FGF7: variants seen among roughly 807,000 people sequenced by gnomAD.
FGF7 encodes FGF-7.
In FGF7, 6 loss-of-function variants were observed where a neutral mutation model predicts 20.5. The ratio of observed to expected loss-of-function variants is 0.29; its 90% CI spans 0.16 to 0.58. The LOEUF is 0.58. Among genes scored for constraint, FGF7 ranks in the 20% least tolerant of loss-of-function variants. FGF7 has a pLI of 0.90. For synonymous variants in FGF7, 64 were observed against 74.7 expected (o/e 0.86, Z 0.74); for missense variants, 144 against 228.8 (o/e 0.63, Z 2.39).
intron 2 of FGF7, among the ~76,000 whole-genome samples, chr15:49,463,708 T>C (rs930835803): frequency 6.6e-6 from 1 of 152,230 alleles, no homozygotes; most frequent in African/African-American, 2.4e-5. Flanking sequence ...TATGCTTCTG[T>C]GCCTTTCTCA....
intron 2 of FGF7, chr15:49,425,497 A>G (rs1394737508): frequency 6.6e-6 from 1 of 152,034 alleles, no homozygotes; most frequent in Non-Finnish European, 1.5e-5. Context: ...TTTTGTTTAC[A>G]TTACTAGCAC....
At chr15:49,447,926 G>A (rs951552427) in intron 2 of FGF7, among the ~76,000 whole-genome samples, 3 of 151,618 alleles carry the variant, frequency 2.0e-5, no homozygotes, top group Non-Finnish European at 4.4e-5. Flanking sequence ...CCTCAGGCTC[G>A]TGTCCTTTAA....
At chr15:49,424,612 C>T (rs377247133) in intron 2 of FGF7, 29 bp downstream of exon 2, 6 of 1,491,102 alleles carry the variant, frequency 4.0e-6, no homozygotes, top group African/African-American at 2.8e-5. Context: ...TGCTCATGAA[C>T]CTTAGCAATC....
rs1384043938 is a variant in FGF7 at position 49,424,426 on chromosome 15, T to C, written c.129T>C (p.Asn43=). ...NDMTPEQMAT[N]VNCSSPERHT... ...TGACTCCAGAGCAAATGGCTACAAA[T>C]GTGAACTGTTCCAGCCCTGAGCGAC... The change falls in exon 2 of 4, where the codon AAT becomes AAC. Residue 43 remains asparagine (N), a synonymous_variant. Coordinates refer to ENST00000267843, the MANE Select transcript of FGF7 (RefSeq NM_002009.4). The C allele has an allele frequency of 6.2e-7, 1 of 1,613,648 alleles. No homozygotes were observed. Among genetic ancestry groups the C allele is most frequent in the Non-Finnish European group, 8.5e-7 (1 of 1,179,726 alleles).
At chr15:49,483,888 T>C (rs899804754) in intron 3 of FGF7, among the ~76,000 whole-genome samples, 7 of 152,020 alleles carry the variant, frequency 4.6e-5, no homozygotes, top group African/African-American at 1.7e-4. Flanking sequence ...GAAGACAATG[T>C]AGAAGTAAAT....
At chr15:49,444,525 C>A (rs1264308511) in intron 2 of FGF7, among the ~76,000 whole-genome samples, 1 of 151,584 alleles carries the variant, frequency 6.6e-6, no homozygotes, top group Non-Finnish European at 1.5e-5. Context: ...GATTGTAGTA[C>A]GTGGGTCTAA....
intron 2 of FGF7, among the ~76,000 whole-genome samples, chr15:49,439,927 C>T (rs940133430): frequency 6.6e-6 from 1 of 151,644 alleles, no homozygotes; most frequent in African/African-American, 2.4e-5. Context: ...TGCAGATAGC[C>T]CTCAGGGAAA....
chr15:49,475,537 G>A (rs1483746504), intron 2 of FGF7, among the ~76,000 whole-genome samples: 1 of 151,918 alleles, frequency 6.6e-6, no homozygotes, highest in Non-Finnish European at 1.5e-5. Context: ...AGTAAAATTT[G>A]AAAATAAAAT....
intron 2 of FGF7, among the ~76,000 whole-genome samples, chr15:49,459,543 T>C (rs201247126): frequency 6.7e-6 from 1 of 149,560 alleles, no homozygotes; most frequent in African/African-American, 2.4e-5. Flanking sequence ...TCCCATCCTC[T>C]ATCTTTATCT....
intron 2 of FGF7, among the ~76,000 whole-genome samples, chr15:49,457,015 G>A (rs1170798608): frequency 6.6e-6 from 1 of 152,080 alleles, no homozygotes; most frequent in African/African-American, 2.4e-5. Context: ...GTGAGTGGAT[G>A]AATCTAGATT....
intron 2 of FGF7, among the ~76,000 whole-genome samples, chr15:49,444,379 A>T (rs1266409272): frequency 6.6e-6 from 1 of 151,778 alleles, no homozygotes; most frequent in Non-Finnish European, 1.5e-5. Flanking sequence ...TTAAACAGTA[A>T]CAGATTATGT....
rs980499556 is a variant in FGF7 at position 49,485,558 on chromosome 15, T to C, written c.*1054T>C. 1.2e-4 allele frequency: 19 copies of C among 152,416 alleles called. No homozygotes were observed. Among genetic ancestry groups the C allele is most frequent in the African/African-American group, 4.3e-4 (18 of 41,418 alleles). 9.4% of individuals were successfully genotyped at this position (152,416 alleles called of 1,614,324 possible). On this transcript the variant is annotated 3_prime_UTR_variant, in exon 4 of 4. Transcript: ENST00000267843. ...CAAAACTGTCTGGCTCAACGGCAAG[T>C]TTCCCTCCCTTTTCTGACTGACACT...
intron 2 of FGF7, among the ~76,000 whole-genome samples, chr15:49,464,768 C>A (rs1479246518): frequency 2.6e-5 from 4 of 152,144 alleles, no homozygotes; most frequent in African/African-American, 9.7e-5. Flanking sequence ...CACATAGTAT[C>A]TCCGTGTAAA....
intron 2 of FGF7, among the ~76,000 whole-genome samples, chr15:49,438,703 G>A (rs2051332686): frequency 2.0e-5 from 3 of 151,588 alleles, no homozygotes; most frequent in African/African-American, 7.3e-5. Context: ...ATGACCTTGG[G>A]CAAATAGTTG....
At chr15:49,459,465 G>A (rs538850507) in intron 2 of FGF7, among the ~76,000 whole-genome samples, 17 of 151,518 alleles carry the variant, frequency 1.1e-4, no homozygotes, top group Admixed American at 9.8e-4. Context: ...TTTTTTTTGA[G>A]ATATAAGAGT....
In FGF7 at chr15:49,467,781, A is replaced by T. The variant is rs551721036; in HGVS notation, c.287-15370A>T. 1.6e-4 allele frequency among the ~76,000 whole-genome samples: 24 copies of T among 152,228 alleles called. No homozygotes were observed. In the South Asian group the frequency reaches 5.0e-3, roughly 32 times the overall value. ...AACAAAGAGTATTTCCTCCTGTCTGATTCAGGGAATATATCTTCTCTGGCC... is the reference window on the plus strand; with the variant it reads ...AACAAAGAGTATTTCCTCCTGTCTGTTTCAGGGAATATATCTTCTCTGGCC... On this transcript the variant is annotated intron_variant, in intron 2 of 3. Transcript: ENST00000267843.
intron 2 of FGF7, among the ~76,000 whole-genome samples, chr15:49,466,230 C>A (rs746312985): frequency 6.6e-6 from 1 of 152,136 alleles, no homozygotes; most frequent in South Asian, 2.1e-4. Flanking sequence ...TTCTGAGGAA[C>A]GGGAACTGGA....
intron 2 of FGF7, among the ~76,000 whole-genome samples, chr15:49,454,824 T>C (rs1180259541): frequency 6.6e-6 from 1 of 152,102 alleles, no homozygotes; most frequent in Non-Finnish European, 1.5e-5. Context: ...TTAGCCAGGA[T>C]GGTCTCGATC....
intron 2 of FGF7, among the ~76,000 whole-genome samples, chr15:49,442,364 T>C (rs1024696058): frequency 1.3e-5 from 2 of 151,646 alleles, no homozygotes; most frequent in African/African-American, 2.4e-5. Flanking sequence ...CCCTTGGCCA[T>C]TTCAGTCCAC....
Sources: gnomAD v4.1 joint callset for allele counts (sites outside exome capture counted in the v4.1 genomes callset) on GRCh38, gnomAD v4.1.1 for gene constraint, MANE v1.5 for transcripts, NCBI Gene and HGNC (gene_info 2026-07-23, HGNC 2026-07-21) for gene names.